The following DMD variants were observed in gnomAD, a reference collection of about 807,000 sequenced individuals.
The protein encoded by DMD is dystrophin, also known as mutant dystrophin.
In DMD, 63 loss-of-function variants were observed where a neutral mutation model predicts 330.1. The observed-to-expected ratio is 0.19, with a 90% CI of 0.16 to 0.24. The LOEUF (loss-of-function observed/expected upper bound fraction) is 0.24, where lower values mean the gene tolerates loss of function less well. Among genes scored for constraint, DMD ranks in the 10% least tolerant of loss-of-function variants. The probability of loss-of-function intolerance (pLI) is 1.00; values close to 1 mark genes in which losing one functional copy is unlikely to be tolerated. For synonymous variants in DMD, 1,223 were observed against 959.8 expected, an observed-to-expected ratio of 1.27 and a Z score of -5.07; for missense variants, 3,344 against 2,684.1, an observed-to-expected ratio of 1.25 and a Z score of -5.43.
chrX:31,431,092 G>T (rs762224021), intron 60 of DMD, among the ~76,000 whole-genome samples: 1 of 110,102 alleles, frequency 9.1e-6, no homozygotes, highest in Non-Finnish European at 1.9e-5. Context: ...GAGCCACCGC[G>T]CCTGGACAAG....
At chrX:31,648,194 G>A (rs2080214051) in intron 54 of DMD, among the ~76,000 whole-genome samples, 1 of 110,924 alleles carries the variant, frequency 9.0e-6, no homozygotes, top group African/African-American at 3.3e-5. Flanking sequence ...TATGATAGAA[G>A]GAATTGCTAA....
intron 2 of DMD, among the ~76,000 whole-genome samples, chrX:32,897,545 T>G (rs2085840391): frequency 8.9e-6 from 1 of 112,391 alleles, no homozygotes; most frequent in Middle Eastern, 4.2e-3. Context: ...TCTGTCTGAT[T>G]TATTAGCTTT....
intron 5 of DMD, among the ~76,000 whole-genome samples, chrX:32,820,460 A>C (rs904895314): frequency 8.9e-6 from 1 of 111,791 alleles, no homozygotes; most frequent in Non-Finnish European, 1.9e-5. Flanking sequence ...AAAATAAAAA[A>C]ATAATAATAA....
At chrX:31,188,215 A>T (rs2042000164) in intron 67 of DMD, among the ~76,000 whole-genome samples, 1 of 111,373 alleles carries the variant, frequency 9.0e-6, no homozygotes, top group Admixed American at 9.6e-5. Flanking sequence ...ATGACAAACT[A>T]CTCTGTATCC....
chrX:31,728,412 CACACACAGAA>C lies in DMD; in HGVS notation c.7660+1209_7660+1218del, dbSNP rs965933904. Among the ~76,000 whole-genome samples the C allele has an allele frequency of 1.8e-3, 202 of 112,353 alleles. 1 individual carries two copies. The highest frequency in any genetic ancestry group is 5.9e-3 in the African/African-American group (183 of 30,936). On this transcript the variant is annotated intron_variant, in intron 52 of 78. Transcript: ENST00000357033. ...CAAGATTCTGTAAAGATTTTGTACA[CACACACAGAA>C]ACACACAGAAACACACACATGTGCA...
At chrX:32,044,585 C>G (rs2096044858) in intron 44 of DMD, among the ~76,000 whole-genome samples, 1 of 110,068 alleles carries the variant, frequency 9.1e-6, no homozygotes, top group Non-Finnish European at 1.9e-5. Flanking sequence ...CCATGCCCAG[C>G]TAATTTTTTT....
chrX:32,772,244 T>C (rs2073689198), intron 7 of DMD, among the ~76,000 whole-genome samples: 1 of 112,878 alleles, frequency 8.9e-6, no homozygotes, highest in Non-Finnish European at 1.9e-5. Flanking sequence ...TTCTACTATA[T>C]GCACTTACAT....
intron 17 of DMD, among the ~76,000 whole-genome samples, chrX:32,523,127 C>A (rs1374052724): frequency 9.0e-6 from 1 of 111,630 alleles, no homozygotes; most frequent in East Asian, 2.8e-4. Flanking sequence ...GTTGAATTGA[C>A]ATTGCTCTTG....
chrX:31,146,292 C>T lies in DMD; in HGVS notation c.10920G>A (p.Met3640Ile). ...RVVGSQTSDS[M>I]GEEDLLSPPQ... ...TCTGAGAGTAGCTAGGACACTTACC[C>T]ATGGAGTCCGAAGTTTGACTGCCAA... Residue 3640 changes from methionine (M) to isoleucine (I), a missense_variant and splice_region_variant, in exon 76 of 79, where the codon ATG becomes ATA. Transcript: ENST00000357033. The T allele has an allele frequency of 8.3e-7, 1 of 1,210,784 alleles. No homozygotes were observed. The highest frequency in any genetic ancestry group is 1.1e-6 in the Non-Finnish European group (1 of 894,982).
chrX:32,467,475 T>G (rs2040149987), intron 23 of DMD, among the ~76,000 whole-genome samples: 1 of 110,620 alleles, frequency 9.0e-6, no homozygotes, highest in Non-Finnish European at 1.9e-5. Flanking sequence ...TGTGGTAAAA[T>G]TTAAGCATAT....
intron 37 of DMD, among the ~76,000 whole-genome samples, chrX:32,361,654 A>G (rs767437398): frequency 8.9e-6 from 1 of 111,928 alleles, no homozygotes; most frequent in South Asian, 3.7e-4. Context: ...ATGTACTATT[A>G]TATAACATGA....
chrX:31,390,544 TACA>T (rs1265415751), intron 60 of DMD, among the ~76,000 whole-genome samples: 3 of 110,862 alleles, frequency 2.7e-5, no homozygotes, highest in Non-Finnish European at 3.8e-5. Context: ...CAGCAAACAG[TACA>T]ACAAGTTGAT....
At chrX:31,673,735 C>T (rs1304551025) in intron 53 of DMD, among the ~76,000 whole-genome samples, 2 of 111,946 alleles carry the variant, frequency 1.8e-5, no homozygotes, top group East Asian at 2.8e-4. Context: ...GAAAAGCAAA[C>T]TAGAGAAAAT....
intron 2 of DMD, among the ~76,000 whole-genome samples, chrX:32,984,799 C>G (rs1260082373): frequency 2.7e-5 from 3 of 111,198 alleles, no homozygotes; most frequent in Non-Finnish European, 5.7e-5. Context: ...CGCTGGAAAC[C>G]TTTTAAGTAG....
intron 32 of DMD, among the ~76,000 whole-genome samples, chrX:32,388,109 T>C (rs1305827811): frequency 1.8e-5 from 2 of 111,492 alleles, no homozygotes; most frequent in African/African-American, 6.5e-5. Flanking sequence ...CAATTGGTCC[T>C]GACATTTAAA....
intron 55 of DMD, among the ~76,000 whole-genome samples, chrX:31,605,924 A>G (rs183376727): frequency 8.9e-6 from 1 of 111,919 alleles, no homozygotes; most frequent in African/African-American, 3.2e-5. Flanking sequence ...CATTAAACAA[A>G]AACAAAAAAC....
At chrX:31,385,025 A>T (rs1255130917) in intron 60 of DMD, among the ~76,000 whole-genome samples, 1 of 112,458 alleles carries the variant, frequency 8.9e-6, no homozygotes, top group Non-Finnish European at 1.9e-5. Context: ...GAGAAGAAAA[A>T]GCGGCTGATA....
At chrX:31,413,100 A>G (rs1467568879) in intron 60 of DMD, among the ~76,000 whole-genome samples, 2 of 112,280 alleles carry the variant, frequency 1.8e-5, no homozygotes, top group Middle Eastern at 4.6e-3. Context: ...CAGTGTTCTC[A>G]TCATACGTGA....
chrX:32,779,483 A>T (rs2074494981), intron 7 of DMD, among the ~76,000 whole-genome samples: 1 of 110,456 alleles, frequency 9.1e-6, no homozygotes, highest in Non-Finnish European at 1.9e-5. Context: ...ACATTTTTAA[A>T]GTTATCTTTT....
Sources: gnomAD v4.1 joint callset for allele counts (sites outside exome capture counted in the v4.1 genomes callset) on GRCh38, gnomAD v4.1.1 for gene constraint, MANE v1.5 for transcripts, NCBI Gene and HGNC (gene_info 2026-07-23, HGNC 2026-07-21) for gene names.